Variants in ITGB8 observed in about 807,000 individuals in gnomAD.
The protein encoded by ITGB8 is integrin beta-8.
Under a neutral mutation model 89.5 loss-of-function variants are expected in ITGB8, and 30 were observed. That is an observed-to-expected ratio of 0.34 (90% CI 0.25 to 0.45). The LOEUF is 0.45. Ranked by LOEUF, ITGB8 falls within the 20% of genes least tolerant of loss-of-function variation. ITGB8 has a pLI of 1.00. For missense variants in ITGB8, 836 were observed against 933.3 expected, an observed-to-expected ratio of 0.90 and a Z score of 1.36; for synonymous variants, 335 against 320.4, an observed-to-expected ratio of 1.05 and a Z score of -0.49.
intron 8 of ITGB8, among the ~76,000 whole-genome samples, chr7:20,395,717 C>T (rs1223209889): frequency 6.6e-6 from 1 of 152,188 alleles, no homozygotes. Flanking sequence ...CTCATTCAGT[C>T]CTCACACCTG....
In ITGB8 at chr7:20,411,763, T is replaced by TA. The variant is rs952729891; in HGVS notation, c.*1768dup. ...CAGTCTTTCATGCTAATCAGCTTCT[T>TA]AAGAGACTGAAGTATGGCATACCTA... is the stretch of plus-strand genomic sequence containing the variant. On this transcript the variant is annotated 3_prime_UTR_variant, in exon 14 of 14. Transcript: ENST00000222573. 9.8e-5 allele frequency: 15 copies of TA among 152,504 alleles called. No homozygotes were observed. Among genetic ancestry groups the TA allele is most frequent in the African/African-American group, 3.1e-4 (13 of 41,580 alleles). 9.4% of individuals were successfully genotyped at this position (152,504 alleles called of 1,614,324 possible).
Position 20,367,110 on chromosome 7 carries a change from G to C in ITGB8, c.312G>C (p.Val104=). ...CSVDSIEYPS[V]HVIIPTENEI... Reference sequence around the variant, plus strand: ...TTGATTCAATAGAATACCCATCTGTGCATGTTATAATACCCACTGAAAATG... The same window carrying C: ...TTGATTCAATAGAATACCCATCTGTCCATGTTATAATACCCACTGAAAATG... The change falls in exon 3 of 14, where the codon GTG becomes GTC. Residue 104 remains valine, a synonymous_variant. Coordinates refer to ENST00000222573, the MANE Select transcript of ITGB8 (RefSeq NM_002214.3). 1 of 1,610,988 alleles carries C rather than the reference G, an allele frequency of 6.2e-7. No individual in the cohort carries two copies. The highest frequency in any genetic ancestry group is 8.5e-7 in the Non-Finnish European group (1 of 1,177,290).
At chr7:20,396,742 C>T (rs1787098766) in intron 8 of ITGB8, among the ~76,000 whole-genome samples, 1 of 152,130 alleles carries the variant, frequency 6.6e-6, no homozygotes, top group Non-Finnish European at 1.5e-5. Flanking sequence ...TTAGTATGAA[C>T]CCATTTATTA....
intron 7 of ITGB8, among the ~76,000 whole-genome samples, chr7:20,392,695 A>G (rs1430282700): frequency 6.6e-6 from 1 of 152,158 alleles, no homozygotes; most frequent in African/African-American, 2.4e-5. Flanking sequence ...CACCCTTCCA[A>G]GTCTCCATTA....
At chr7:20,346,424 G>C (rs78964253) in intron 1 of ITGB8, among the ~76,000 whole-genome samples, 20,859 of 152,144 alleles carry the variant, frequency 0.14, 1,796 homozygotes, top group East Asian at 0.33. Flanking sequence ...GGATTAGAAT[G>C]TGTTGGGGGA....
At chr7:20,355,982 TC>T (rs1047677404) in intron 1 of ITGB8, among the ~76,000 whole-genome samples, 3 of 152,204 alleles carry the variant, frequency 2.0e-5, no homozygotes, top group Non-Finnish European at 4.4e-5. Flanking sequence ...AGATCCTTGC[TC>T]CCCCTGTTTT....
At chr7:20,373,825 T>C (rs953536687) in intron 3 of ITGB8, among the ~76,000 whole-genome samples, 3 of 152,226 alleles carry the variant, frequency 2.0e-5, no homozygotes, top group African/African-American at 7.2e-5. Context: ...CTTAAGCAGA[T>C]CATTTTTTTA....
At chr7:20,407,466 T>A (rs1562706746) in intron 12 of ITGB8, among the ~76,000 whole-genome samples, 1 of 152,146 alleles carries the variant, frequency 6.6e-6, no homozygotes, top group Non-Finnish European at 1.5e-5. Context: ...TGAAATTATA[T>A]CTTTATTAAA....
chr7:20,402,053 T>C lies in ITGB8; in HGVS notation c.1614T>C (p.Leu538=). The change falls in exon 10 of 14, where the codon CTT becomes CTC. Residue 538 remains leucine, a synonymous_variant. Transcript: ENST00000222573. ...AATGTTCATGTCACAAAATTAAGCT[T>C]GGAAAAGTGTATGGAAAATACTGTG... The part of the protein sequence containing the change: ...CGKCSCHKIK[L]GKVYGKYCEK... The C allele has an allele frequency of 6.2e-7, 1 of 1,614,142 alleles. No individual in the cohort carries two copies. Among genetic ancestry groups the C allele is most frequent in the Non-Finnish European group, 8.5e-7 (1 of 1,179,996 alleles).
intron 8 of ITGB8, among the ~76,000 whole-genome samples, chr7:20,395,399 A>C (rs1787030128): frequency 6.6e-6 from 1 of 152,240 alleles, no homozygotes; most frequent in Admixed American, 6.5e-5. Context: ...GGATATAGCA[A>C]TTATTAAGAG....
intron 6 of ITGB8, among the ~76,000 whole-genome samples, chr7:20,387,404 G>A (rs1786668992): frequency 6.6e-6 from 1 of 152,186 alleles, no homozygotes; most frequent in Non-Finnish European, 1.5e-5. Flanking sequence ...CACCATCTGA[G>A]TGGTAGATAC....
At chr7:20,406,242 T>A in intron 12 of ITGB8, 71 bp downstream of exon 12, 1 of 962,904 alleles carries the variant, frequency 1.0e-6, no homozygotes. Context: ...AAAAGACCCA[T>A]AATTAACCAT....
At chr7:20,386,627 G>C (rs1786639360) in intron 6 of ITGB8, among the ~76,000 whole-genome samples, 1 of 151,884 alleles carries the variant, frequency 6.6e-6, no homozygotes, top group African/African-American at 2.4e-5. Flanking sequence ...AAAAAGAGTG[G>C]CCTGGAAAGG....
chr7:20,341,157 C>T (rs1279444021), intron 1 of ITGB8, among the ~76,000 whole-genome samples: 1 of 152,166 alleles, frequency 6.6e-6, no homozygotes, highest in South Asian at 2.1e-4. Context: ...TAGTACAAAT[C>T]ATACCTCCCA....
In ITGB8 at chr7:20,410,621, T is replaced by C. The variant is rs529707560; in HGVS notation, c.*624T>C. The C allele has an allele frequency of 2.6e-5, 4 of 152,652 alleles. No homozygotes were observed. The highest frequency in any genetic ancestry group is 6.8e-3 in the Middle Eastern group (2 of 294). The allele number at this position is 152,652 out of a possible 1,614,324, so 9.5% of individuals were successfully genotyped here. A position where few individuals can be genotyped will look rare whatever the true frequency, so the allele number is the denominator to read the frequency against. On this transcript the variant is annotated 3_prime_UTR_variant, in exon 14 of 14. Coordinates refer to ENST00000222573, the MANE Select transcript of ITGB8 (RefSeq NM_002214.3). Reference sequence around the variant, plus strand: ...GGTTTGCTTATTTTTGCAAGATGGATACTAATTCCAGCATTCTCTCCTCTT... The same window carrying C: ...GGTTTGCTTATTTTTGCAAGATGGACACTAATTCCAGCATTCTCTCCTCTT...
intron 1 of ITGB8, among the ~76,000 whole-genome samples, chr7:20,342,260 G>C (rs1784785055): frequency 6.6e-6 from 1 of 152,174 alleles, no homozygotes; most frequent in Non-Finnish European, 1.5e-5. Flanking sequence ...TCCACTTGAG[G>C]ATCTTTGTTA....
chr7:20,385,142 C>G (rs1786555542), intron 6 of ITGB8, among the ~76,000 whole-genome samples: 1 of 152,234 alleles, frequency 6.6e-6, no homozygotes, highest in African/African-American at 2.4e-5. Flanking sequence ...CTCCCAGAAA[C>G]TGTTCACCCA....
At chr7:20,387,706 C>T (rs1786685023) in intron 6 of ITGB8, among the ~76,000 whole-genome samples, 1 of 152,120 alleles carries the variant, frequency 6.6e-6, no homozygotes, top group African/African-American at 2.4e-5. Flanking sequence ...ACAGGACAGC[C>T]CCTTTGTCAA....
chr7:20,385,267 T>C (rs759888239), intron 6 of ITGB8, among the ~76,000 whole-genome samples: 1 of 152,236 alleles, frequency 6.6e-6, no homozygotes, highest in Non-Finnish European at 1.5e-5. Context: ...TTTCAGATGT[T>C]GATGTGACTC....
Sources: gnomAD v4.1 joint callset for allele counts (sites outside exome capture counted in the v4.1 genomes callset) on GRCh38, gnomAD v4.1.1 for gene constraint, MANE v1.5 for transcripts, NCBI Gene and HGNC (gene_info 2026-07-23, HGNC 2026-07-21) for gene names.